Variants in LPIN2 observed in about 807,000 individuals in gnomAD.
LPIN2 encodes lipin 2, also known as phosphatidate phosphatase LPIN2.
A neutral mutation model predicts 111.4 loss-of-function variants in LPIN2; 55 were observed. The ratio of observed to expected loss-of-function variants is 0.49; its 90% CI spans 0.40 to 0.62. The LOEUF (loss-of-function observed/expected upper bound fraction) is 0.62, where lower values mean the gene tolerates loss of function less well. Among genes scored for constraint, LPIN2 ranks in the 20% least tolerant of loss-of-function variants. The probability of loss-of-function intolerance (pLI) is 0.00; values close to 1 mark genes in which losing one functional copy is unlikely to be tolerated. For missense variants in LPIN2, 992 were observed against 1,112.1 expected (o/e 0.89, Z 1.54); for synonymous variants, 425 against 414.0 (o/e 1.03, Z -0.32).
intron 19 of LPIN2, 37 bp from the exon 20 acceptor site, chr18:2,920,474 CT>C: frequency 6.2e-7 from 1 of 1,612,216 alleles, no homozygotes; most frequent in Non-Finnish European, 8.5e-7. Flanking sequence ...CAGGCTATTA[CT>C]TCAAGATCGG....
rs1387658234 is a variant in LPIN2, at chr18:2,956,569, T to A, written c.193-1970A>T. ...TACCAGGAAGGAAGGGTTCAAAAAC[T>A]GATGGGAGCATTTCAAAGGAACTCA... On this transcript the variant is annotated intron_variant, in intron 2 of 19. Coordinates refer to ENST00000677752, the MANE Select transcript of LPIN2 (RefSeq NM_001375808.2). 2.0e-5 allele frequency among the ~76,000 whole-genome samples: 3 copies of A among 152,192 alleles called. No homozygotes were observed. The East Asian group carries it at 5.8e-4, about 29-fold the overall frequency.
chr18:2,990,855 A>G (rs191472010), intron 1 of LPIN2: 6,829 of 458,832 alleles, frequency 0.015, 81 homozygotes, highest in Non-Finnish European at 0.021. Flanking sequence ...GCCGGCAGGG[A>G]CAATGATACT....
chr18:2,957,705 C>A (rs2077634049), intron 2 of LPIN2, among the ~76,000 whole-genome samples: 1 of 152,016 alleles, frequency 6.6e-6, no homozygotes, highest in Admixed American at 6.6e-5. Flanking sequence ...GGCCATTTTA[C>A]ATTAGAGAGA....
At chr18:2,964,966 T>TTTAA (rs1476648294) in intron 1 of LPIN2, among the ~76,000 whole-genome samples, 2 of 152,220 alleles carry the variant, frequency 1.3e-5, no homozygotes, top group African/African-American at 2.4e-5. Flanking sequence ...TATGTCCATC[T>TTTAA]TTAAAAACGA....
At chr18:3,002,249 A>AAAC (rs56830588) in intron 1 of LPIN2, among the ~76,000 whole-genome samples, 3,784 of 149,562 alleles carry the variant, frequency 0.025, 167 homozygotes, top group African/African-American at 0.089. Flanking sequence ...AAAAAAAAAA[A>AAAC]AAAAAAAAAC....
At chr18:2,973,084 A>C (rs1390944000) in intron 1 of LPIN2, among the ~76,000 whole-genome samples, 7 of 152,272 alleles carry the variant, frequency 4.6e-5, no homozygotes, top group African/African-American at 1.7e-4. Context: ...TGTAATGGTT[A>C]TACCTATCAG....
chr18:2,919,471 C>G lies in LPIN2; in HGVS notation c.*822G>C, dbSNP rs1215961599. On this transcript the variant is annotated 3_prime_UTR_variant, in exon 20 of 20. Coordinates refer to ENST00000677752, the MANE Select transcript of LPIN2 (RefSeq NM_001375808.2). ...TCTTCCCAGGACCCCACTCAACCGC[C>G]TATCTGCATTTCGGAGGCCTCCCTA... 6.6e-6 allele frequency: 1 copy of G among 152,336 alleles called. No homozygotes were observed. Among genetic ancestry groups the G allele is most frequent in the East Asian group, 1.9e-4 (1 of 5,200 alleles). 9.4% of individuals were successfully genotyped at this position (152,336 alleles called of 1,614,324 possible).
chr18:3,009,397 G>A (rs1385308960), intron 1 of LPIN2, among the ~76,000 whole-genome samples: 2 of 151,776 alleles, frequency 1.3e-5, no homozygotes, highest in African/African-American at 4.8e-5. Flanking sequence ...AAAAACACTA[G>A]TAAAATTCTA....
chr18:2,994,337 A>G lies in LPIN2; in HGVS notation c.-10+18750T>C, dbSNP rs143148622. Among the ~76,000 whole-genome samples the G allele has an allele frequency of 7.3e-3, 1,111 of 152,340 alleles. 21 individuals are homozygous for G. The highest frequency in any genetic ancestry group is 0.026 in the African/African-American group (1,065 of 41,576). The stretch of plus-strand genomic sequence containing the variant: ...GTTATCACAAGCCAAGCTGCCCCAG[A>G]CCTGTGCCCTGGTCAGTGTAGATGT... On this transcript the variant is annotated intron_variant, in intron 1 of 19. Coordinates refer to ENST00000677752, the MANE Select transcript of LPIN2 (RefSeq NM_001375808.2).
chr18:2,964,329 G>A (rs1016001253), intron 1 of LPIN2, among the ~76,000 whole-genome samples: 5 of 140,440 alleles, frequency 3.6e-5, no homozygotes, highest in Admixed American at 3.5e-4. Context: ...GAAAAGTTAA[G>A]TAATATCTAT....
intron 9 of LPIN2, among the ~76,000 whole-genome samples, chr18:2,929,376 AAAAC>A (rs1276827160): frequency 1.1e-4 from 17 of 152,228 alleles, no homozygotes; most frequent in African/African-American, 3.4e-4. Context: ...TCTCCCAGTG[AAAAC>A]AAACAAACTA....
chr18:2,929,084 C>T lies in LPIN2; in HGVS notation c.1531G>A (p.Val511Ile). 1.3e-6 allele frequency: 2 copies of T among 1,591,284 alleles called. No homozygotes were observed. Among genetic ancestry groups the T allele is most frequent in the Non-Finnish European group, 8.6e-7 (1 of 1,159,632 alleles). The change falls in exon 10 of 20, where the codon GTA (valine) becomes ATA (isoleucine). Residue 511 changes from valine (V) to isoleucine (I), a missense_variant. This residue lies in a region of LPIN2 where 709 missense variants were observed against 753.2 expected (regional missense o/e 0.94). Transcript: ENST00000677752. ...NPGLIDNPNLVIRIYNRYYNW... is the reference protein window; with the variant it reads ...NPGLIDNPNLIIRIYNRYYNW... ...ATTTACCGATTATATATCCTTATTA[C>T]AAGGTTAGGATTGTCTATAAGTCCA...
chr18:2,921,058 G>A (rs1195971833), intron 18 of LPIN2, 177 bp from the exon 19 acceptor site: 13 of 655,394 alleles, frequency 2.0e-5, no homozygotes, highest in Admixed American at 4.5e-5. Context: ...ACAGAGTGGT[G>A]CTTGGAGAGT....
intron 9 of LPIN2, among the ~76,000 whole-genome samples, chr18:2,929,507 T>C (rs78208644): frequency 0.07 from 10,685 of 152,214 alleles, 450 homozygotes; most frequent in Non-Finnish European, 0.097. Flanking sequence ...CTGTCGAAGT[T>C]CTATTCTCAG....
intron 1 of LPIN2, among the ~76,000 whole-genome samples, chr18:3,011,424 C>G (rs904315006): frequency 6.6e-6 from 1 of 151,698 alleles, no homozygotes; most frequent in Non-Finnish European, 1.5e-5. Context: ...GTTGCTCACG[C>G]CTGTAATCCC....
Position 2,919,320 on chromosome 18 carries a change from G to C in LPIN2, c.*973C>G, listed in dbSNP as rs566406487. ...AGCCAAAGTCACACACTGCTGGCCA[G>C]TGCCTTTAAGCAAGCTTCACTGTGC... On this transcript the variant is annotated 3_prime_UTR_variant, in exon 20 of 20. Transcript: ENST00000677752. 5 of 148,686 alleles carry C rather than the reference G, an allele frequency of 3.4e-5. No homozygotes were observed. Among genetic ancestry groups the C allele is most frequent in the African/African-American group, 1.2e-4 (5 of 40,972 alleles). 9.2% of individuals were successfully genotyped at this position (148,686 alleles called of 1,614,324 possible). A position where few individuals can be genotyped will look rare whatever the true frequency, so the allele number is the denominator to read the frequency against.
At position 2,922,778 on chromosome 18, in the gene LPIN2, G is replaced by C. The variant is rs142308988; in HGVS notation, c.2175-579C>G. Among the ~76,000 whole-genome samples, 213 of 152,272 alleles carry C rather than the reference G, an allele frequency of 1.4e-3. 1 individual carries two copies. The highest frequency in any genetic ancestry group is 6.8e-3 in the Middle Eastern group (2 of 294). ...ATAAAATGTTCAGCATCTAGTCCAT[G>C]AAAGCCAGATTAGAGGACAGAAAAA... On this transcript the variant is annotated intron_variant, in intron 16 of 19. Transcript: ENST00000677752.
chr18:2,940,948 TTC>T (rs2077359766), intron 4 of LPIN2, among the ~76,000 whole-genome samples: 2 of 152,288 alleles, frequency 1.3e-5, no homozygotes, highest in East Asian at 1.9e-4. Context: ...GAAATGTGAT[TTC>T]TCTTTTTTCC....
chr18:2,991,630 T>C (rs2078266625), intron 1 of LPIN2, among the ~76,000 whole-genome samples: 1 of 152,104 alleles, frequency 6.6e-6, no homozygotes, highest in South Asian at 2.1e-4. Context: ...GAGGACTGCT[T>C]GAGCCTAAGA....
Sources: allele counts gnomAD v4.1 joint callset (sites outside exome capture counted in the v4.1 genomes callset), GRCh38; gene constraint gnomAD v4.1.1; regional missense constraint gnomAD v4.1.1; transcripts MANE v1.5; gene names NCBI Gene and HGNC (gene_info 2026-07-23, HGNC 2026-07-21).